The following RAD54B variants were observed in gnomAD, a reference collection of about 807,000 sequenced individuals.
RAD54B encodes RAD54 homolog B, also known as DNA repair and recombination protein RAD54B.
In RAD54B, 78 loss-of-function variants were observed where a neutral mutation model predicts 95.8. That is an observed-to-expected ratio of 0.81 (90% CI 0.68 to 0.98). The LOEUF is 0.98. Among genes scored for constraint, RAD54B ranks in the 50% least tolerant of loss-of-function variants. RAD54B has a pLI of 0.00. For synonymous variants in RAD54B, 328 were observed against 354.9 expected (o/e 0.92, Z 0.85); for missense variants, 957 against 1,056.6 (o/e 0.91, Z 1.31).
At chr8:94,375,149 TCTC>T (rs1172997342) in intron 14 of RAD54B, among the ~76,000 whole-genome samples, 19 of 152,294 alleles carry the variant, frequency 1.2e-4, no homozygotes, top group African/African-American at 4.3e-4. Flanking sequence ...ATGTACACAT[TCTC>T]TGACTCAGCA....
At chr8:94,426,719 G>A (rs1811951019) in intron 3 of RAD54B, among the ~76,000 whole-genome samples, 1 of 152,150 alleles carries the variant, frequency 6.6e-6, no homozygotes, top group African/African-American at 2.4e-5. Context: ...ATTAGAAGCA[G>A]GCAAGAGAGG....
intron 3 of RAD54B, among the ~76,000 whole-genome samples, chr8:94,411,779 T>C (rs1036858917): frequency 2.0e-5 from 3 of 152,110 alleles, no homozygotes; most frequent in Non-Finnish European, 4.4e-5. Flanking sequence ...AAAAATTATA[T>C]ATATGTAGGT....
chr8:94,466,654 G>C (rs925262876), intron 2 of RAD54B, among the ~76,000 whole-genome samples: 1 of 152,074 alleles, frequency 6.6e-6, no homozygotes, highest in Admixed American at 6.6e-5. Flanking sequence ...TGATCTGCCC[G>C]TCTCGGCCTC....
intron 12 of RAD54B, among the ~76,000 whole-genome samples, chr8:94,378,898 G>A (rs1018295241): frequency 1.1e-4 from 17 of 152,150 alleles, no homozygotes; most frequent in African/African-American, 4.1e-4. Context: ...CTTCATCAAT[G>A]GGACAGTGAG....
At chr8:94,431,035 C>T (rs2130100675) in intron 3 of RAD54B, 2 of 985,334 alleles carry the variant, frequency 2.0e-6, no homozygotes, top group Admixed American at 6.2e-5. Flanking sequence ...TTACACCCAC[C>T]CCATTCTACA....
At chr8:94,378,503 G>T in intron 13 of RAD54B, 65 bp downstream of exon 13, 2 of 1,476,358 alleles carry the variant, frequency 1.4e-6, no homozygotes, top group Non-Finnish European at 1.9e-6. Flanking sequence ...TGAAGCACAG[G>T]CTAACAAAAA....
At chr8:94,436,478 A>C (rs1481562598) in intron 3 of RAD54B, 1 of 1,517,386 alleles carries the variant, frequency 6.6e-7, no homozygotes, top group South Asian at 1.3e-5. Flanking sequence ...TCCATAACAA[A>C]ACAAAATAAA....
At chr8:94,442,094 T>G (rs1366568831) in intron 3 of RAD54B, among the ~76,000 whole-genome samples, 1 of 152,144 alleles carries the variant, frequency 6.6e-6, no homozygotes, top group Non-Finnish European at 1.5e-5. Context: ...TGCAGCAACA[T>G]GGATGGAACT....
At chr8:94,421,186 T>A (rs1811800188) in intron 3 of RAD54B, among the ~76,000 whole-genome samples, 1 of 152,204 alleles carries the variant, frequency 6.6e-6, no homozygotes, top group Admixed American at 6.5e-5. Flanking sequence ...ACTCTTTGTC[T>A]ATAAACCCAC....
intron 3 of RAD54B, among the ~76,000 whole-genome samples, chr8:94,426,535 G>A (rs1811946299): frequency 6.6e-6 from 1 of 152,108 alleles, no homozygotes; most frequent in African/African-American, 2.4e-5. Flanking sequence ...AAAGCAATGA[G>A]CTACTAATAG....
chr8:94,453,029 A>G (rs1315472261), intron 3 of RAD54B, among the ~76,000 whole-genome samples: 1 of 152,190 alleles, frequency 6.6e-6, no homozygotes, highest in Non-Finnish European at 1.5e-5. Flanking sequence ...ATCATTATCC[A>G]TCAAAATGCT....
At chr8:94,403,634 G>A (rs1318189866) in intron 6 of RAD54B, among the ~76,000 whole-genome samples, 4 of 150,516 alleles carry the variant, frequency 2.7e-5, no homozygotes, top group East Asian at 1.9e-4. Context: ...CCAAGATAAC[G>A]CCATTGCACT....
At chr8:94,390,945 C>T (rs77021531) in intron 10 of RAD54B, among the ~76,000 whole-genome samples, 1,987 of 152,150 alleles carry the variant, frequency 0.013, 48 homozygotes, top group African/African-American at 0.044. Flanking sequence ...AAAGTCTGTG[C>T]GCACTTAACA....
intron 3 of RAD54B, among the ~76,000 whole-genome samples, chr8:94,455,428 T>C (rs560531504): frequency 6.6e-6 from 1 of 152,350 alleles, no homozygotes; most frequent in Non-Finnish European, 1.5e-5. Context: ...CCTTTGCATG[T>C]CACAGTTTTG....
intron 2 of RAD54B, among the ~76,000 whole-genome samples, chr8:94,463,761 T>TA (rs1017007711): frequency 6.6e-6 from 1 of 151,410 alleles, no homozygotes; most frequent in African/African-American, 2.4e-5. Context: ...TAAAAATCTC[T>TA]AAAAAAATTT....
In RAD54B at chr8:94,399,799, C is replaced by T. The variant is rs142929905; in HGVS notation, c.1171-178G>A. ...TAGATTGGGTGGCTTAAACAACAGA[C>T]ATTTATTTCTCACAGTTCTGGTGGA... On this transcript the variant is annotated intron_variant, in intron 7 of 14. Transcript: ENST00000336148. Among the ~76,000 whole-genome samples, 718 of 152,260 alleles carry T rather than the reference C, an allele frequency of 4.7e-3. 1 individual carries two copies. Among genetic ancestry groups the T allele is most frequent in the Admixed American group, 7.9e-3 (120 of 15,278 alleles).
chr8:94,407,069 A>G (rs1369819286), intron 5 of RAD54B, among the ~76,000 whole-genome samples: 1 of 152,162 alleles, frequency 6.6e-6, no homozygotes, highest in Non-Finnish European at 1.5e-5. Flanking sequence ...ACAGTCCTCA[A>G]ATTAGAAGTA....
In RAD54B at chr8:94,399,600, T is replaced by C. The variant is rs1270938719; in HGVS notation, c.1192A>G (p.Ile398Val). The C allele has an allele frequency of 2.5e-6, 4 of 1,609,830 alleles. No homozygotes were observed. Among genetic ancestry groups the C allele is most frequent in the East Asian group, 2.2e-5 (1 of 44,810 alleles). Residue 398 changes from isoleucine (I) to valine (V), a missense_variant, in exon 8 of 15, where the codon ATC (isoleucine) becomes GTC (valine). By Grantham distance (29) the Ile-to-Val change is conservative. Transcript: ENST00000336148. Reference sequence around the variant, plus strand: ...AGAACAGAATAAAATATAGACTTGATGAATTCTTCAACTTTGTGGTCCTGA... The same window carrying C: ...AGAACAGAATAAAATATAGACTTGACGAATTCTTCAACTTTGTGGTCCTGA... ...VDQDHKVEEF[I>V]KSIFYSVLII...
chr8:94,394,266 T>G (rs1043745523), intron 8 of RAD54B, among the ~76,000 whole-genome samples: 10 of 152,310 alleles, frequency 6.6e-5, no homozygotes, highest in African/African-American at 2.4e-4. Context: ...TTCCTAGGGT[T>G]GTGAGGATCA....
Sources: allele counts gnomAD v4.1 joint callset (sites outside exome capture counted in the v4.1 genomes callset), GRCh38; gene constraint gnomAD v4.1.1; transcripts MANE v1.5; gene names NCBI Gene and HGNC (gene_info 2026-07-23, HGNC 2026-07-21).